Variants in CCDC148 observed in about 807,000 individuals in gnomAD.
CCDC148 encodes coiled-coil domain containing 148.
A neutral mutation model predicts 85.7 loss-of-function variants in CCDC148; 89 were observed. The observed-to-expected ratio is 1.04, with a 90% CI of 0.87 to 1.24. The LOEUF (loss-of-function observed/expected upper bound fraction) is 1.24, where lower values mean the gene tolerates loss of function less well. CCDC148 is among the 50% of genes most tolerant of loss of function. The pLI is 0.00. For synonymous variants in CCDC148, 230 were observed against 213.9 expected (o/e 1.08, Z -0.66); for missense variants, 692 against 671.7 (o/e 1.03, Z -0.33).
rs191503309 is a variant in CCDC148, at chr2:158,174,856, G to A, written c.1629+1665C>T. Among the ~76,000 whole-genome samples the A allele has an allele frequency of 2.7e-4, 41 of 151,976 alleles. No individual in the cohort carries two copies. In the East Asian group the frequency reaches 7.4e-3, roughly 27 times the overall value. On this transcript the variant is annotated intron_variant, in intron 13 of 13. Transcript: ENST00000283233. Reference sequence around the variant, plus strand: ...TTTTCAGATCAATTATAATCTTAAGGGACCACCAACATATATGTGGTCTGT... The same window carrying A: ...TTTTCAGATCAATTATAATCTTAAGAGACCACCAACATATATGTGGTCTGT...
intron 9 of CCDC148, among the ~76,000 whole-genome samples, chr2:158,308,877 G>T (rs1486470266): frequency 6.6e-6 from 1 of 152,100 alleles, no homozygotes; most frequent in Non-Finnish European, 1.5e-5. Context: ...AACAGCGAGG[G>T]TTACCTACCA....
chr2:158,414,323 C>T (rs918311172), intron 1 of CCDC148, among the ~76,000 whole-genome samples: 1 of 152,192 alleles, frequency 6.6e-6, no homozygotes, highest in East Asian at 1.9e-4. Flanking sequence ...AAAAAGGTTT[C>T]AAATACTTTA....
intron 9 of CCDC148, among the ~76,000 whole-genome samples, chr2:158,274,251 C>T (rs1231918424): frequency 6.6e-6 from 1 of 152,108 alleles, no homozygotes; most frequent in African/African-American, 2.4e-5. Context: ...ACCCCAGAAT[C>T]GGCAGTTTAA....
intron 9 of CCDC148, among the ~76,000 whole-genome samples, chr2:158,280,916 T>C (rs1336388050): frequency 6.6e-6 from 1 of 152,120 alleles, no homozygotes; most frequent in East Asian, 1.9e-4. Context: ...ACAGAAATTA[T>C]AACAAACTAT....
chr2:158,223,500 C>A (rs1687312092), intron 10 of CCDC148, among the ~76,000 whole-genome samples: 1 of 152,212 alleles, frequency 6.6e-6, no homozygotes, highest in Admixed American at 6.5e-5. Flanking sequence ...AGCTGGAGAT[C>A]TGAGAACGGA....
intron 7 of CCDC148, among the ~76,000 whole-genome samples, chr2:158,320,692 G>C (rs942882251): frequency 1.3e-5 from 2 of 152,112 alleles, no homozygotes; most frequent in African/African-American, 4.8e-5. Context: ...TCAAGCTGCT[G>C]TTTCCATTTT....
At chr2:158,299,567 T>C (rs998351522) in intron 9 of CCDC148, among the ~76,000 whole-genome samples, 2 of 152,210 alleles carry the variant, frequency 1.3e-5, no homozygotes, top group African/African-American at 4.8e-5. Flanking sequence ...TTAAAACTTC[T>C]CTTATTTCAA....
chr2:158,276,297 G>A (rs2105168024), intron 9 of CCDC148, among the ~76,000 whole-genome samples: 1 of 152,228 alleles, frequency 6.6e-6, no homozygotes, highest in East Asian at 1.9e-4. Flanking sequence ...AGCCGGGCCT[G>A]GTGGCATGCA....
At chr2:158,249,245 G>A (rs1005904698) in intron 10 of CCDC148, among the ~76,000 whole-genome samples, 1 of 152,076 alleles carries the variant, frequency 6.6e-6, no homozygotes, top group Non-Finnish European at 1.5e-5. Context: ...AAGTGCCTAC[G>A]AATATAATAC....
chr2:158,454,309 T>C (rs1389029465), intron 1 of CCDC148, among the ~76,000 whole-genome samples: 1 of 152,132 alleles, frequency 6.6e-6, no homozygotes, highest in Non-Finnish European at 1.5e-5. Flanking sequence ...TTTGGAAGGC[T>C]TAGGAAAAAT....
At chr2:158,389,519 A>T (rs1559114646) in intron 1 of CCDC148, among the ~76,000 whole-genome samples, 1 of 152,210 alleles carries the variant, frequency 6.6e-6, no homozygotes, top group Non-Finnish European at 1.5e-5. Context: ...CCAGATAATT[A>T]TTCTTTCAAA....
At chr2:158,424,950 G>C (rs926947354) in intron 1 of CCDC148, 1 of 314,666 alleles carries the variant, frequency 3.2e-6, no homozygotes, top group South Asian at 3.0e-5. Flanking sequence ...GTTCTGGGAA[G>C]TGTTAAATCA....
rs746881705 is a variant in CCDC148, at chr2:158,345,289, T to C, written c.177A>G (p.Leu59=). Reference sequence around the variant, plus strand: ...GTTTTATTAGTGTTTGTTCTTTGGATAACTTTGAAGTCAACATTGCTTTTC... The same window carrying C: ...GTTTTATTAGTGTTTGTTCTTTGGACAACTTTGAAGTCAACATTGCTTTTC... ...KIRKAMLTSK[L]SKEQTLIKQH... Residue 59 remains leucine (L), a synonymous_variant, in exon 3 of 14, where the codon TTA becomes TTG. Transcript: ENST00000283233. 6.8e-6 allele frequency: 11 copies of C among 1,613,266 alleles called. No homozygotes were observed. The highest frequency in any genetic ancestry group is 1.3e-5 in the African/African-American group (1 of 74,870).
At position 158,398,876 on chromosome 2, in the gene CCDC148, T is replaced by C. The variant is rs189895391; in HGVS notation, c.26-40306A>G. On this transcript the variant is annotated intron_variant, in intron 1 of 13. Coordinates refer to ENST00000283233, the MANE Select transcript of CCDC148 (RefSeq NM_138803.4). ...AAGATCAACAAAATAGATAGACCAC[T>C]AGCAAGACTAATAAAGAAGAAAAAA... 4.6e-3 allele frequency among the ~76,000 whole-genome samples: 701 copies of C among 151,952 alleles called. 1 individual carries two copies. The highest frequency in any genetic ancestry group is 0.015 in the African/African-American group (640 of 41,430).
At chr2:158,438,061 A>C (rs546462695) in intron 1 of CCDC148, among the ~76,000 whole-genome samples, 1 of 152,328 alleles carries the variant, frequency 6.6e-6, no homozygotes, top group South Asian at 2.1e-4. Context: ...AAGGTAATTT[A>C]TAGATTCAAT....
chr2:158,195,109 T>C (rs1321013523), intron 11 of CCDC148, among the ~76,000 whole-genome samples: 1 of 152,034 alleles, frequency 6.6e-6, no homozygotes, highest in Non-Finnish European at 1.5e-5. Context: ...GGACCTACAT[T>C]GGAGAAATTA....
At chr2:158,402,999 A>C (rs1458501200) in intron 1 of CCDC148, among the ~76,000 whole-genome samples, 1 of 152,094 alleles carries the variant, frequency 6.6e-6, no homozygotes, top group Non-Finnish European at 1.5e-5. Context: ...GAAATGAACA[A>C]ATCTTAACAT....
intron 1 of CCDC148, among the ~76,000 whole-genome samples, chr2:158,453,894 C>T (rs1475296459): frequency 6.6e-6 from 1 of 152,166 alleles, no homozygotes; most frequent in African/African-American, 2.4e-5. Flanking sequence ...TCAGCCTGAG[C>T]ACAGGCCCTC....
At chr2:158,191,302 T>C (rs932186176) in intron 11 of CCDC148, among the ~76,000 whole-genome samples, 2 of 152,042 alleles carry the variant, frequency 1.3e-5, no homozygotes, top group Admixed American at 6.6e-5. Context: ...TCAGAACTTC[T>C]GTAGAAAGCA....
Sources: allele counts gnomAD v4.1 joint callset (sites outside exome capture counted in the v4.1 genomes callset), GRCh38; gene constraint gnomAD v4.1.1; transcripts MANE v1.5; gene names NCBI Gene and HGNC (gene_info 2026-07-23, HGNC 2026-07-21).